The following FFAR2 variants were observed in gnomAD, a reference collection of about 807,000 sequenced individuals.
FFAR2 encodes the protein free fatty acid receptor 2.
For missense variants in FFAR2, 421 were observed against 428.9 expected (o/e 0.98, Z 0.16); for synonymous variants, 193 against 189.9 (o/e 1.02, Z -0.13).
intron 1 of FFAR2, among the ~76,000 whole-genome samples, chr19:35,448,824 C>T (rs1237745054): frequency 7.1e-6 from 1 of 139,946 alleles, no homozygotes; most frequent in Admixed American, 7.2e-5. Flanking sequence ...TTTTTTTAGA[C>T]GGAGTTTTTG....
At position 35,449,824 on chromosome 19, in the gene FFAR2, G is replaced by A. The variant is rs369914056; in HGVS notation, c.110G>A (p.Arg37His). Residue 37 changes from arginine to histidine, a missense_variant, in exon 2 of 2, where the codon CGC becomes CAC. By Grantham distance (29) the Arg-to-His change is conservative (BLOSUM62 0). Coordinates refer to ENST00000599180, the MANE Select transcript of FFAR2 (RefSeq NM_001370087.1). Reference sequence around the variant, plus strand: ...CTGCGGGCCTTTGTGGGGCGGATCCGCCAGCCCCAGCCTGCACCTGTGCAC... The same window carrying A: ...CTGCGGGCCTTTGTGGGGCGGATCCACCAGCCCCAGCCTGCACCTGTGCAC... ...LALRAFVGRIRQPQPAPVHIL... is the reference protein window; with the variant it reads ...LALRAFVGRIHQPQPAPVHIL... The A allele has an allele frequency of 5.1e-5, 82 of 1,613,388 alleles. No individual in the cohort carries two copies. The highest frequency in any genetic ancestry group is 6.7e-5 in the Admixed American group (4 of 59,950).
At chr19:35,449,618 C>G in intron 1 of FFAR2, 96 bp from the exon 2 acceptor site, 1 of 1,318,042 alleles carries the variant, frequency 7.6e-7, no homozygotes, top group Non-Finnish European at 1.0e-6. Context: ...GGGAAGGGGA[C>G]GGTGCCGGGG....
At position 35,449,885 on chromosome 19, in the gene FFAR2, C is replaced by A; in HGVS notation, c.171C>A (p.Leu57=). 1 of 1,612,554 alleles carries A rather than the reference C, an allele frequency of 6.2e-7. No individual in the cohort carries two copies. ...TGAGCCTGACGCTGGCCGACCTCCT[C>A]CTGCTGCTGCTGCTGCCCTTCAAGA... ...LLLSLTLADL[L]LLLLLPFKII... Residue 57 remains leucine (L), a synonymous_variant, in exon 2 of 2, where the codon CTC becomes CTA. Coordinates refer to ENST00000599180, the MANE Select transcript of FFAR2 (RefSeq NM_001370087.1).
Position 35,450,482 on chromosome 19 carries a change from A to C in FFAR2, c.768A>C (p.Ser256=). The change falls in exon 2 of 2, where the codon TCA becomes TCC. Residue 256 remains serine, a synonymous_variant. Transcript: ENST00000599180. ...YHQRKSPWWR[S]IAVVFSSLNA... is the part of the protein sequence containing the mutation. ...AGAGAAAAAGCCCCTGGTGGCGGTC[A>C]ATAGCCGTGGTGTTCAGTTCACTCA... 6.2e-7 allele frequency: 1 copy of C among 1,614,236 alleles called. No individual in the cohort carries two copies. The highest frequency in any genetic ancestry group is 1.3e-5 in the African/African-American group (1 of 75,052).
Position 35,449,924 on chromosome 19 carries a change from G to C in FFAR2, c.210G>C (p.Ala70=), listed in dbSNP as rs762644773. 9.3e-6 allele frequency: 15 copies of C among 1,613,410 alleles called. No homozygotes were observed. The highest frequency in any genetic ancestry group is 1.3e-5 in the Non-Finnish European group (15 of 1,180,004). The change falls in exon 2 of 2, where the codon GCG becomes GCC. Residue 70 remains alanine (A), a synonymous_variant. Transcript: ENST00000599180. ...TGCCCTTCAAGATCATCGAGGCTGCGTCGAACTTCCGCTGGTACCTGCCCA... is the reference window on the plus strand; with the variant it reads ...TGCCCTTCAAGATCATCGAGGCTGCCTCGAACTTCCGCTGGTACCTGCCCA... ...LLLPFKIIEA[A]SNFRWYLPKV...
chr19:35,449,396 T>C (rs77265607), intron 1 of FFAR2, among the ~76,000 whole-genome samples: 9,992 of 152,228 alleles, frequency 0.066, 1,110 homozygotes, highest in African/African-American at 0.23. Context: ...AACAGTAACT[T>C]CCTGTATCTG....
Position 35,450,355 on chromosome 19 carries a change from C to T in FFAR2, c.641C>T (p.Ala214Val), listed in dbSNP as rs763496041. The change falls in exon 2 of 2, where the codon GCC becomes GTC. Residue 214 changes from alanine to valine, a missense_variant. By Grantham distance (64) the Ala-to-Val change is moderately conservative. Coordinates refer to ENST00000599180, the MANE Select transcript of FFAR2 (RefSeq NM_001370087.1). Reference sequence around the variant, plus strand: ...ATGCTCTCCCAGCCCCTTGTGGGGGCCCAGAGGCGGCGCCGAGCCGTGGGG... The same window carrying T: ...ATGCTCTCCCAGCCCCTTGTGGGGGTCCAGAGGCGGCGCCGAGCCGTGGGG... ...WIMLSQPLVG[A>V]QRRRRAVGLA... 4 of 1,614,034 alleles carry T rather than the reference C, an allele frequency of 2.5e-6. No individual in the cohort carries two copies. The African/African-American group carries it at 4.0e-5, about 16-fold the overall frequency.
Position 35,450,714 on chromosome 19 carries a change from C to T in FFAR2, c.*7C>T. ...GGACTTCACTACAGAGTAGCAGTTT[C>T]CCTGGACCTTCAGAGGTCGCCTGGG... is the stretch of plus-strand genomic sequence containing the variant. On this transcript the variant is annotated 3_prime_UTR_variant, in exon 2 of 2. Coordinates refer to ENST00000599180, the MANE Select transcript of FFAR2 (RefSeq NM_001370087.1). 6.2e-7 allele frequency: 1 copy of T among 1,606,888 alleles called. No individual in the cohort carries two copies. Among genetic ancestry groups the T allele is most frequent in the Non-Finnish European group, 8.5e-7 (1 of 1,174,644 alleles).
At chr19:35,448,622 G>A (rs910795137) in intron 1 of FFAR2, among the ~76,000 whole-genome samples, 5 of 152,234 alleles carry the variant, frequency 3.3e-5, no homozygotes, top group South Asian at 2.1e-4. Flanking sequence ...GAGTTACCCC[G>A]TGAAGAAGAC....
chr19:35,449,618 C>T (rs1051449738), intron 1 of FFAR2, 96 bp from the exon 2 acceptor site: 14 of 1,317,914 alleles, frequency 1.1e-5, no homozygotes, highest in Middle Eastern at 2.5e-4. Context: ...GGGAAGGGGA[C>T]GGTGCCGGGG....
chr19:35,449,622 G>A lies in FFAR2; in HGVS notation c.-1-92G>A, dbSNP rs554753987. The A allele has an allele frequency of 2.9e-6, 4 of 1,366,948 alleles. No individual in the cohort carries two copies. The South Asian group carries it at 4.2e-5, about 14-fold the overall frequency. 84.7% of individuals were successfully genotyped at this position (1,366,948 alleles called of 1,614,324 possible). On this transcript the variant is annotated intron_variant, in intron 1 of 1. Transcript: ENST00000599180. ...AGCACAGTCCTGGGAAGGGGACGGT[G>A]CCGGGGAGGATGTCCGCATCCTGAA... is the stretch of plus-strand genomic sequence containing the variant.
chr19:35,449,559 C>A, intron 1 of FFAR2, 155 bp from the exon 2 acceptor site: 1 of 251,338 alleles, frequency 4.0e-6, no homozygotes, highest in Non-Finnish European at 6.3e-6. Context: ...CTGGGTAGTT[C>A]GAGCAGGTGG....
rs759733184 is a variant in FFAR2 at position 35,450,348 on chromosome 19, G to T, written c.634G>T (p.Val212Leu). Residue 212 changes from valine (V) to leucine (L), a missense_variant, in exon 2 of 2, where the codon GTG (valine) becomes TTG (leucine). Transcript: ENST00000599180. ...FVWIMLSQPL[V>L]GAQRRRRAVG... ...GTGGATCATGCTCTCCCAGCCCCTT[G>T]TGGGGGCCCAGAGGCGGCGCCGAGC... is the stretch of plus-strand genomic sequence containing the variant. 27 of 1,614,152 alleles carry T rather than the reference G, an allele frequency of 1.7e-5. No individual in the cohort carries two copies. The highest frequency in any genetic ancestry group is 2.3e-5 in the Non-Finnish European group (27 of 1,180,022).
At position 35,450,361 on chromosome 19, in the gene FFAR2, G is replaced by A. The variant is rs1208181788; in HGVS notation, c.647G>A (p.Arg216Lys). 6.2e-7 allele frequency: 1 copy of A among 1,614,104 alleles called. No homozygotes were observed. The change falls in exon 2 of 2, where the codon AGG becomes AAG. Residue 216 changes from arginine (R) to lysine (K), a missense_variant. Physicochemically the swap from Arg to Lys is conservative, Grantham distance 26 (BLOSUM62 2). Transcript: ENST00000599180. ...TCCCAGCCCCTTGTGGGGGCCCAGA[G>A]GCGGCGCCGAGCCGTGGGGCTGGCT... ...MLSQPLVGAQRRRRAVGLAVV... is the reference protein window; with the variant it reads ...MLSQPLVGAQKRRRAVGLAVV...
At chr19:35,449,219 G>A (rs1657937518) in intron 1 of FFAR2, among the ~76,000 whole-genome samples, 1 of 152,212 alleles carries the variant, frequency 6.6e-6, no homozygotes, top group South Asian at 2.1e-4. Context: ...CTGGGCTGGT[G>A]GCTGGGCACT....
intron 1 of FFAR2, 33 bp from the exon 2 acceptor site, chr19:35,449,681 T>C (rs200985941): frequency 1.6e-5 from 25 of 1,525,542 alleles, no homozygotes; most frequent in Non-Finnish European, 2.2e-5. Context: ...GAGTGAGACC[T>C]CCCTGACCCC....
At position 35,450,117 on chromosome 19, in the gene FFAR2, G is replaced by A. The variant is rs1469391377; in HGVS notation, c.403G>A (p.Val135Ile). Residue 135 changes from valine (V) to isoleucine (I), a missense_variant, in exon 2 of 2, where the codon GTT (valine) becomes ATT (isoleucine). Coordinates refer to ENST00000599180, the MANE Select transcript of FFAR2 (RefSeq NM_001370087.1). Reference sequence around the variant, plus strand: ...AGTGATTGCAGCTCTGGTGGCCTGGGTTATGTCCTTTGGTCACTGCACCAT... The same window carrying A: ...AGTGATTGCAGCTCTGGTGGCCTGGATTATGTCCTTTGGTCACTGCACCAT... Reference protein sequence around the residue: ...YGVIAALVAWVMSFGHCTIVI... With the variant: ...YGVIAALVAWIMSFGHCTIVI... 2.5e-6 allele frequency: 4 copies of A among 1,614,110 alleles called. No individual in the cohort carries two copies. The highest frequency in any genetic ancestry group is 2.2e-5 in the East Asian group (1 of 44,898).
At chr19:35,449,280 C>T (rs1473799307) in intron 1 of FFAR2, among the ~76,000 whole-genome samples, 1 of 152,176 alleles carries the variant, frequency 6.6e-6, no homozygotes, top group African/African-American at 2.4e-5. Context: ...GGCGCCACAG[C>T]CTCTTTATAC....
chr19:35,451,400 C>T lies in FFAR2; in HGVS notation c.*693C>T, dbSNP rs1469402684. The stretch of plus-strand genomic sequence containing the variant: ...CCTAGACACTGCTCTAGCGGTTGAT[C>T]CTGGAGATAAACCAACAAGAGAGAG... On this transcript the variant is annotated 3_prime_UTR_variant, in exon 2 of 2. Transcript: ENST00000599180. 1.3e-5 allele frequency: 2 copies of T among 152,000 alleles called. No individual in the cohort carries two copies. The highest frequency in any genetic ancestry group is 2.9e-5 in the Non-Finnish European group (2 of 68,028). The allele number at this position is 152,000 out of a possible 1,614,324, so 9.4% of individuals were successfully genotyped here.
Sources: allele counts gnomAD v4.1 joint callset (sites outside exome capture counted in the v4.1 genomes callset), GRCh38; gene constraint gnomAD v4.1.1; transcripts MANE v1.5; gene names NCBI Gene and HGNC (gene_info 2026-07-23, HGNC 2026-07-21).